Variants in RBFOX1 observed in about 807,000 individuals in gnomAD.
RBFOX1 encodes RNA binding protein fox-1 homolog 1.
In RBFOX1, 8 loss-of-function variants were observed where a neutral mutation model predicts 57.7. The ratio of observed to expected loss-of-function variants is 0.14; its 90% CI spans 0.08 to 0.25. The LOEUF (loss-of-function observed/expected upper bound fraction) is 0.25, where lower values mean the gene tolerates loss of function less well. Ranked by LOEUF, RBFOX1 falls within the 10% of genes least tolerant of loss-of-function variation. The pLI is 1.00. For synonymous variants in RBFOX1, 326 were observed against 222.4 expected (o/e 1.47, Z -4.15); for missense variants, 611 against 548.5 (o/e 1.11, Z -1.14).
intron 3 of RBFOX1, among the ~76,000 whole-genome samples, chr16:5,692,070 C>G (rs2050698514): frequency 6.6e-6 from 1 of 151,842 alleles, no homozygotes; most frequent in South Asian, 2.1e-4. Context: ...GGGAAAGTGT[C>G]ATGGTTATTG....
At chr16:5,564,758 C>G (rs1468464496) in intron 2 of RBFOX1, among the ~76,000 whole-genome samples, 1 of 152,130 alleles carries the variant, frequency 6.6e-6, no homozygotes, top group Admixed American at 6.5e-5. Context: ...ATATCAAGTT[C>G]ATCATGGTCT....
At chr16:5,613,947 T>A (rs1270402870) in intron 3 of RBFOX1, among the ~76,000 whole-genome samples, 3 of 151,856 alleles carry the variant, frequency 2.0e-5, no homozygotes, top group East Asian at 3.9e-4. Context: ...TTTATCCTGA[T>A]GCTGCCTTTC....
chr16:6,732,216 C>G (rs1422848919), intron 3 of RBFOX1, among the ~76,000 whole-genome samples: 1 of 152,216 alleles, frequency 6.6e-6, no homozygotes, highest in South Asian at 2.1e-4. Flanking sequence ...TGCTGCTTCT[C>G]TGCAGCCTCA....
intron 1 of RBFOX1, among the ~76,000 whole-genome samples, chr16:6,100,954 T>A (rs1372566309): frequency 2.6e-5 from 4 of 152,100 alleles, no homozygotes; most frequent in South Asian, 2.1e-4. Flanking sequence ...CACAAAGGGA[T>A]TTTTTTCCGT....
intron 2 of RBFOX1, among the ~76,000 whole-genome samples, chr16:6,563,193 T>C (rs2097207635): frequency 1.3e-5 from 2 of 152,156 alleles, no homozygotes; most frequent in Non-Finnish European, 1.5e-5. Context: ...TCTGAATTAG[T>C]TCTAGTCCAT....
intron 4 of RBFOX1, among the ~76,000 whole-genome samples, chr16:7,336,534 A>G (rs1048070886): frequency 2.6e-5 from 4 of 152,244 alleles, no homozygotes; most frequent in Non-Finnish European, 4.4e-5. Flanking sequence ...TACTCAACCT[A>G]TAACAAAAGT....
At chr16:5,957,249 C>G (rs1277723107) in intron 4 of RBFOX1, among the ~76,000 whole-genome samples, 1 of 152,052 alleles carries the variant, frequency 6.6e-6, no homozygotes, top group East Asian at 1.9e-4. Context: ...GAGTCTTGGT[C>G]TGTTGCCCAG....
intron 3 of RBFOX1, among the ~76,000 whole-genome samples, chr16:5,698,552 T>C (rs1433975389): frequency 6.6e-6 from 1 of 150,866 alleles, no homozygotes; most frequent in African/African-American, 2.4e-5. Flanking sequence ...TGTAAAAATA[T>C]ATCTAAACAA....
intron 4 of RBFOX1, among the ~76,000 whole-genome samples, chr16:5,977,122 G>A (rs1005821728): frequency 6.6e-6 from 1 of 152,134 alleles, no homozygotes; most frequent in Non-Finnish European, 1.5e-5. Context: ...TTTCTAGTAA[G>A]CTAAATTCCG....
intron 3 of RBFOX1, among the ~76,000 whole-genome samples, chr16:6,932,909 C>A (rs574675316): frequency 3.9e-5 from 6 of 152,260 alleles, no homozygotes; most frequent in Admixed American, 3.3e-4. Context: ...TTATGTCTTC[C>A]CCCAGCCCCT....
chr16:7,557,960 C>G (rs554846547), intron 5 of RBFOX1, among the ~76,000 whole-genome samples: 4 of 152,156 alleles, frequency 2.6e-5, no homozygotes, highest in African/African-American at 4.8e-5. Context: ...CATCCAGATA[C>G]TCTAAACAAA....
Position 7,321,186 on chromosome 16 carries a change from C to T in RBFOX1, c.28-196961C>T, listed in dbSNP as rs189271925. Among the ~76,000 whole-genome samples the T allele has an allele frequency of 4.0e-3, 601 of 150,908 alleles. 1 individual carries two copies. Among genetic ancestry groups the T allele is most frequent in the Non-Finnish European group, 6.6e-3 (446 of 67,636 alleles). ...GCGAGATGGTGTTTTGCTCTGCTGC[C>T]CAGGCTGGAGTGCAGTGGTGCGATC... is the stretch of plus-strand genomic sequence containing the variant. On this transcript the variant is annotated intron_variant, in intron 4 of 15. Coordinates refer to ENST00000550418, the MANE Select transcript of RBFOX1 (RefSeq NM_018723.4).
intron 3 of RBFOX1, among the ~76,000 whole-genome samples, chr16:5,856,273 AC>A: frequency 3.0e-5 from 1 of 33,010 alleles, no homozygotes; most frequent in Non-Finnish European, 5.9e-5. Flanking sequence ...ATATATATAT[AC>A]ACATATATAT....
intron 3 of RBFOX1, among the ~76,000 whole-genome samples, chr16:5,794,802 A>C (rs2054821051): frequency 1.3e-5 from 2 of 152,206 alleles, no homozygotes; most frequent in South Asian, 4.1e-4. Flanking sequence ...AACCAATATT[A>C]AATCTAGGCA....
At chr16:7,056,852 A>G (rs1004901928) in intron 4 of RBFOX1, among the ~76,000 whole-genome samples, 26 of 152,172 alleles carry the variant, frequency 1.7e-4, no homozygotes, top group African/African-American at 5.8e-4. Context: ...ATGTGACTCT[A>G]TAGTCAGCAT....
At chr16:5,990,063 G>T (rs917729918) in intron 4 of RBFOX1, among the ~76,000 whole-genome samples, 2 of 152,148 alleles carry the variant, frequency 1.3e-5, no homozygotes, top group African/African-American at 4.8e-5. Context: ...ATGGTTCACT[G>T]CAGCCTCAAA....
At chr16:6,464,071 A>C (rs927734058) in intron 2 of RBFOX1, among the ~76,000 whole-genome samples, 6 of 152,156 alleles carry the variant, frequency 3.9e-5, no homozygotes, top group Non-Finnish European at 7.4e-5. Flanking sequence ...TAGTTCCGAA[A>C]ATTTTATCCC....
intron 5 of RBFOX1, among the ~76,000 whole-genome samples, chr16:7,530,674 A>G (rs2079833577): frequency 6.6e-6 from 1 of 152,106 alleles, no homozygotes; most frequent in Non-Finnish European, 1.5e-5. Flanking sequence ...CTTCCTTTGT[A>G]TCCCCGAAGA....
intron 4 of RBFOX1, among the ~76,000 whole-genome samples, chr16:7,374,400 A>G (rs1326114636): frequency 6.6e-6 from 1 of 152,170 alleles, no homozygotes; most frequent in Non-Finnish European, 1.5e-5. Context: ...TGTGTTGCTT[A>G]TTGCTAGTTA....
Sources: allele counts gnomAD v4.1 joint callset (sites outside exome capture counted in the v4.1 genomes callset), GRCh38; gene constraint gnomAD v4.1.1; transcripts MANE v1.5; gene names NCBI Gene and HGNC (gene_info 2026-07-23, HGNC 2026-07-21).